Variants in PPP2R2A observed in about 807,000 individuals in gnomAD.
PPP2R2A encodes the protein serine/threonine-protein phosphatase 2A 55 kDa regulatory subunit B alpha isoform.
In PPP2R2A, 9 loss-of-function variants were observed where a neutral mutation model predicts 53.2. The observed-to-expected ratio is 0.17, with a 90% CI of 0.10 to 0.30. PPP2R2A has a LOEUF of 0.30. PPP2R2A is among the 10% of genes least tolerant of loss of function. The pLI, the probability that PPP2R2A is intolerant of heterozygous loss-of-function variation, is 1.00. For missense variants in PPP2R2A, 235 were observed against 534.6 expected (o/e 0.44, Z 5.53); for synonymous variants, 169 against 174.2 (o/e 0.97, Z 0.23).
intron 2 of PPP2R2A, among the ~76,000 whole-genome samples, chr8:26,335,823 C>G (rs1475083594): frequency 3.3e-5 from 5 of 152,184 alleles, no homozygotes; most frequent in African/African-American, 4.8e-5. Flanking sequence ...TCTTAAAATT[C>G]TTTACCTTTG....
chr8:26,366,985 T>G (rs188302605), intron 9 of PPP2R2A, among the ~76,000 whole-genome samples: 1 of 152,304 alleles, frequency 6.6e-6, no homozygotes, highest in African/African-American at 2.4e-5. Context: ...AGTCTTACTT[T>G]GAGTCTTTTA....
chr8:26,332,309 T>C (rs544960145), intron 2 of PPP2R2A, among the ~76,000 whole-genome samples: 37 of 148,934 alleles, frequency 2.5e-4, no homozygotes, highest in South Asian at 1.1e-3. Context: ...TGCAGTGAGC[T>C]GAGATCATGC....
chr8:26,350,274 A>G (rs1804425326), intron 3 of PPP2R2A, among the ~76,000 whole-genome samples: 1 of 152,078 alleles, frequency 6.6e-6, no homozygotes, highest in African/African-American at 2.4e-5. Flanking sequence ...TGTGTTAGCC[A>G]GGCTGGTCTC....
At chr8:26,329,157 A>G (rs1478270623) in intron 2 of PPP2R2A, among the ~76,000 whole-genome samples, 1 of 152,132 alleles carries the variant, frequency 6.6e-6, no homozygotes, top group Non-Finnish European at 1.5e-5. Flanking sequence ...GGTTGATTTA[A>G]CCATTGGCTA....
chr8:26,346,175 C>G (rs888448731), intron 3 of PPP2R2A, among the ~76,000 whole-genome samples: 3 of 151,460 alleles, frequency 2.0e-5, no homozygotes, highest in African/African-American at 4.9e-5. Context: ...GAGTCTCACT[C>G]TGTCACCCTG....
Position 26,362,134 on chromosome 8 carries a change from CG to C in PPP2R2A, c.638-549del, listed in dbSNP as rs1805134899. On this transcript the variant is annotated intron_variant, in intron 6 of 9. Transcript: ENST00000380737. The surrounding 1 kb of genome is among the most constrained non-coding windows in gnomAD (Gnocchi z 4.4). Reference sequence around the variant, plus strand: ...TTAGAAAAAGAAAGATTAAAGATTACGATTAGATTAAGATTAGAAAAAGAAA... The same window carrying C: ...TTAGAAAAAGAAAGATTAAAGATTACATTAGATTAAGATTAGAAAAAGAAA... Among the ~76,000 whole-genome samples, 1 of 150,986 alleles carries C rather than the reference CG, an allele frequency of 6.6e-6. No individual in the cohort carries two copies. The highest frequency in any genetic ancestry group is 2.4e-5 in the African/African-American group (1 of 41,140).
intron 2 of PPP2R2A, among the ~76,000 whole-genome samples, chr8:26,325,017 G>A (rs1294378959): frequency 6.7e-6 from 1 of 149,666 alleles, no homozygotes; most frequent in Non-Finnish European, 1.5e-5. Context: ...AGGGTGCCTT[G>A]TCTCAGATGC....
rs1279553545 is a variant in PPP2R2A at position 26,338,747 on chromosome 8, A to G, written c.83-143A>G. The G allele has an allele frequency of 1.3e-5, 6 of 460,994 alleles. No individual in the cohort carries two copies. The highest frequency in any genetic ancestry group is 2.0e-5 in the African/African-American group (1 of 49,658). 28.6% of individuals were successfully genotyped at this position (460,994 alleles called of 1,614,324 possible). ...ATATTTATGAAAGAACTTTAGATTC[A>G]TGTTATTTCTGATGGGTGGTTGATG... is the stretch of plus-strand genomic sequence containing the variant. On this transcript the variant is annotated intron_variant, in intron 2 of 9. Coordinates refer to ENST00000380737, the MANE Select transcript of PPP2R2A (RefSeq NM_002717.4). The surrounding 1 kb of genome is among the most constrained non-coding windows in gnomAD (Gnocchi z 4.5).
Position 26,362,599 on chromosome 8 carries a change from C to G in PPP2R2A, c.638-85C>G, listed in dbSNP as rs1299737740. ...CAGAATTAATATTTTTGCTTAGGTC[C>G]ATGAATGGGTTTTAGGTTTGAGAAA... On this transcript the variant is annotated intron_variant, in intron 6 of 9. Transcript: ENST00000380737. This position sits in a 1 kb window ranked among gnomAD's most constrained non-coding sequence, Gnocchi z 4.4. 2.3e-6 allele frequency: 3 copies of G among 1,294,492 alleles called. No individual in the cohort carries two copies. Among genetic ancestry groups the G allele is most frequent in the African/African-American group, 1.5e-5 (1 of 67,270 alleles). The allele number at this position is 1,294,492 out of a possible 1,614,324, so 80.2% of individuals were successfully genotyped here.
At chr8:26,304,882 A>T (rs531002966) in intron 2 of PPP2R2A, among the ~76,000 whole-genome samples, 1 of 152,276 alleles carries the variant, frequency 6.6e-6, no homozygotes, top group African/African-American at 2.4e-5. Flanking sequence ...AACAGAACCA[A>T]TTTTTAATGA....
intron 2 of PPP2R2A, among the ~76,000 whole-genome samples, chr8:26,295,812 A>G (rs1167594000): frequency 6.6e-6 from 1 of 152,188 alleles, no homozygotes; most frequent in African/African-American, 2.4e-5. Flanking sequence ...TTTAATTTGG[A>G]TATTTCTGCA....
chr8:26,352,529 G>T (rs747911126), intron 3 of PPP2R2A, among the ~76,000 whole-genome samples: 6 of 152,180 alleles, frequency 3.9e-5, no homozygotes, highest in Non-Finnish European at 7.3e-5. Flanking sequence ...AAAGTTTCAG[G>T]AGAGAGGGGA....
At chr8:26,329,825 G>A (rs756248703) in intron 2 of PPP2R2A, among the ~76,000 whole-genome samples, 12 of 152,284 alleles carry the variant, frequency 7.9e-5, no homozygotes, top group African/African-American at 2.6e-4. Context: ...ACTTTGAAAT[G>A]TTGGGATTTT....
intron 2 of PPP2R2A, among the ~76,000 whole-genome samples, chr8:26,323,060 C>T (rs1014002836): frequency 6.6e-6 from 1 of 152,196 alleles, no homozygotes. Flanking sequence ...ACTAGAAGTT[C>T]CTGTGCAGTC....
Position 26,338,719 on chromosome 8 carries a change from A to G in PPP2R2A, c.83-171A>G, listed in dbSNP as rs1803789716. ...TGAGGAGAATTTTTATTAGTGGATC[A>G]AAATATTTATGAAAGAACTTTAGAT... On this transcript the variant is annotated intron_variant, in intron 2 of 9. Transcript: ENST00000380737. This position sits in a 1 kb window ranked among gnomAD's most constrained non-coding sequence, Gnocchi z 4.5. Among the ~76,000 whole-genome samples, 1 of 152,230 alleles carries G rather than the reference A, an allele frequency of 6.6e-6. No homozygotes were observed. Among genetic ancestry groups the G allele is most frequent in the African/African-American group, 2.4e-5 (1 of 41,456 alleles).
rs565857375 is a variant in PPP2R2A at position 26,348,921 on chromosome 8, T to C, written c.181-5547T>C. On this transcript the variant is annotated intron_variant, in intron 3 of 9. Transcript: ENST00000380737. ...CAGAATGAGACTCATGTTGTACATA[T>C]CACTTTGTAATGTTTAGTTTTATTT... Among the ~76,000 whole-genome samples, 7 of 152,326 alleles carry C rather than the reference T, an allele frequency of 4.6e-5. No homozygotes were observed. In the South Asian group the frequency reaches 6.2e-4, roughly 14 times the overall value.
Position 26,338,997 on chromosome 8 carries a change from TAA to T in PPP2R2A, c.180+12_180+13del, listed in dbSNP as rs748021341. 1 of 1,571,724 alleles carries T rather than the reference TAA, an allele frequency of 6.4e-7. No individual in the cohort carries two copies. Among genetic ancestry groups the T allele is most frequent in the Admixed American group, 1.7e-5 (1 of 59,408 alleles). On this transcript the variant is annotated intron_variant, in intron 3 of 9. Coordinates refer to ENST00000380737, the MANE Select transcript of PPP2R2A (RefSeq NM_002717.4). This position sits in a 1 kb window ranked among gnomAD's most constrained non-coding sequence, Gnocchi z 4.5. ...TCAACAGGAGCAGGAGGTAAGTGTT[TAA>T]AGTTTATTGTCTAAATTTCAGTTTG...
intron 2 of PPP2R2A, among the ~76,000 whole-genome samples, chr8:26,313,193 C>A (rs1377918852): frequency 6.6e-6 from 1 of 151,996 alleles, no homozygotes; most frequent in Non-Finnish European, 1.5e-5. Context: ...GCCACCATGC[C>A]TGGCTAATTT....
At chr8:26,318,333 AAG>A (rs1210056495) in intron 2 of PPP2R2A, among the ~76,000 whole-genome samples, 1 of 152,216 alleles carries the variant, frequency 6.6e-6, no homozygotes, top group African/African-American at 2.4e-5. Flanking sequence ...ATTTCATACT[AAG>A]GAAGTGCTTT....
Sources: allele counts gnomAD v4.1 joint callset (sites outside exome capture counted in the v4.1 genomes callset), GRCh38; gene constraint gnomAD v4.1.1; non-coding constraint Gnocchi (gnomAD v3.1); transcripts MANE v1.5; gene names NCBI Gene and HGNC (gene_info 2026-07-23, HGNC 2026-07-21).